PRR16: variants seen among roughly 807,000 people sequenced by gnomAD.
PRR16 encodes the protein proline rich 16.
In PRR16, 6 loss-of-function variants were observed where a neutral mutation model predicts 18.2. The observed-to-expected ratio is 0.33, with a 90% CI of 0.18 to 0.65. PRR16 has a LOEUF of 0.65. Ranked by LOEUF, PRR16 falls within the 30% of genes least tolerant of loss-of-function variation. PRR16 has a pLI of 0.74. For missense variants in PRR16, 412 were observed against 376.6 expected, an observed-to-expected ratio of 1.09 and a Z score of -0.78; for synonymous variants, 151 against 147.8, an observed-to-expected ratio of 1.02 and a Z score of -0.16.
intron 1 of PRR16, among the ~76,000 whole-genome samples, chr5:120,498,917 T>C (rs1039380699): frequency 3.9e-4 from 59 of 152,012 alleles, no homozygotes; most frequent in African/African-American, 1.4e-3. Flanking sequence ...TCCCTGTAGA[T>C]AATATGTTAT....
At chr5:120,741,815 G>C in the PRR16 span, among the ~76,000 whole-genome samples, 6 of 152,164 alleles carry the variant, frequency 3.9e-5, no homozygotes, top group Non-Finnish European at 5.9e-5. Flanking sequence ...TGGCCAGGCT[G>C]GTCCCCAGCT....
intron 1 of PRR16, among the ~76,000 whole-genome samples, chr5:120,623,508 T>C (rs1194142709): frequency 1.3e-5 from 2 of 152,192 alleles, no homozygotes; most frequent in African/African-American, 4.8e-5. Flanking sequence ...TTTCTTCTTG[T>C]GCAAAATGAG....
chr5:120,779,925 C>A, the PRR16 span, among the ~76,000 whole-genome samples: 1 of 152,056 alleles, frequency 6.6e-6, no homozygotes, highest in Admixed American at 6.6e-5. Flanking sequence ...GTTCAGCATT[C>A]CTGTGGAGTG....
intron 1 of PRR16, among the ~76,000 whole-genome samples, chr5:120,484,670 A>T (rs1353065867): frequency 6.8e-6 from 1 of 147,408 alleles, no homozygotes; most frequent in East Asian, 1.9e-4. Context: ...TATATATTTT[A>T]TTCCTAAAAA....
the PRR16 span, among the ~76,000 whole-genome samples, chr5:120,712,591 A>AAT: frequency 3.9e-5 from 6 of 152,164 alleles, no homozygotes; most frequent in Admixed American, 3.3e-4. Flanking sequence ...TAATATTCAA[A>AAT]ATATATAACA....
chr5:120,712,478 T>C, the PRR16 span, among the ~76,000 whole-genome samples: 3 of 152,204 alleles, frequency 2.0e-5, no homozygotes, highest in East Asian at 5.8e-4. Flanking sequence ...TGAGTAAGAC[T>C]ATGCACAGCA....
the PRR16 span, among the ~76,000 whole-genome samples, chr5:120,754,209 T>C: frequency 1.3e-5 from 1 of 77,638 alleles, no homozygotes; most frequent in Non-Finnish European, 2.4e-5. Context: ...TATTATAAAT[T>C]ATATATTATA....
intron 1 of PRR16, among the ~76,000 whole-genome samples, chr5:120,663,888 T>C (rs1051308071): frequency 5.9e-5 from 9 of 152,148 alleles, no homozygotes; most frequent in Non-Finnish European, 1.2e-4. Flanking sequence ...CATTTTCAAG[T>C]GGACTAAAGG....
chr5:120,753,160 T>A, the PRR16 span, among the ~76,000 whole-genome samples: 3 of 151,854 alleles, frequency 2.0e-5, no homozygotes, highest in African/African-American at 7.2e-5. Context: ...TGGAGGGAAG[T>A]AAACCAAAGA....
intron 1 of PRR16, among the ~76,000 whole-genome samples, chr5:120,661,316 G>A (rs968384830): frequency 2.0e-5 from 3 of 152,044 alleles, no homozygotes; most frequent in African/African-American, 7.2e-5. Context: ...GCTCTGCTGG[G>A]AAAATCTGAG....
At chr5:120,793,187 C>G in the PRR16 span, among the ~76,000 whole-genome samples, 1 of 151,952 alleles carries the variant, frequency 6.6e-6, no homozygotes, top group African/African-American at 2.4e-5. Context: ...ATATAAAAGA[C>G]ACAGTGACAA....
the PRR16 span, among the ~76,000 whole-genome samples, chr5:120,754,379 CA>C: frequency 6.2e-3 from 188 of 30,460 alleles, 1 homozygote; most frequent in African/African-American, 0.032. Context: ...TAATATATAA[CA>C]TATATATTAT....
the PRR16 span, among the ~76,000 whole-genome samples, chr5:120,754,584 T>A: frequency 4.7e-5 from 5 of 106,548 alleles, no homozygotes; most frequent in Non-Finnish European, 8.9e-5. Flanking sequence ...ATATTTTATA[T>A]ATTATATATA....
At chr5:120,704,843 A>C in the PRR16 span, among the ~76,000 whole-genome samples, 1 of 152,214 alleles carries the variant, frequency 6.6e-6, no homozygotes, top group Non-Finnish European at 1.5e-5. Flanking sequence ...GTACTTATGA[A>C]GCCTATTTAC....
intron 1 of PRR16, among the ~76,000 whole-genome samples, chr5:120,663,206 C>CT (rs71702842): frequency 4.0e-5 from 6 of 151,454 alleles, no homozygotes; most frequent in East Asian, 3.9e-4. Context: ...TAAAACCCCC[C>CT]TTTTTTTTTC....
At chr5:120,768,383 A>T in the PRR16 span, among the ~76,000 whole-genome samples, 4 of 150,930 alleles carry the variant, frequency 2.7e-5, no homozygotes, top group Non-Finnish European at 5.9e-5. Context: ...TTATTTTGAG[A>T]TGTCTCTATA....
chr5:120,684,617 A>G (rs1757065040), intron 1 of PRR16, among the ~76,000 whole-genome samples: 1 of 152,176 alleles, frequency 6.6e-6, no homozygotes, highest in Non-Finnish European at 1.5e-5. Context: ...GGCTATGAGA[A>G]TGGCCTCCAA....
At chr5:120,613,277 A>G (rs1754391894) in intron 1 of PRR16, among the ~76,000 whole-genome samples, 1 of 152,144 alleles carries the variant, frequency 6.6e-6, no homozygotes. Flanking sequence ...CAGAATTGGT[A>G]TTTTATAAAA....
the PRR16 span, among the ~76,000 whole-genome samples, chr5:120,697,145 C>T: frequency 2.0e-5 from 3 of 152,088 alleles, no homozygotes; most frequent in Non-Finnish European, 4.4e-5. Flanking sequence ...GTTGCTTTTT[C>T]CTCCCAGGAA....
Sources: allele counts gnomAD v4.1 joint callset (sites outside exome capture counted in the v4.1 genomes callset), GRCh38; gene constraint gnomAD v4.1.1; transcripts MANE v1.5; gene names NCBI Gene and HGNC (gene_info 2026-07-23, HGNC 2026-07-21).